Variants in SYNGR4 observed in about 807,000 individuals in gnomAD.
SYNGR4 encodes the protein synaptogyrin-4.
Under a neutral mutation model 15.5 loss-of-function variants are expected in SYNGR4, and 15 were observed. The ratio of observed to expected loss-of-function variants is 0.97; its 90% CI spans 0.65 to 1.49. The LOEUF (loss-of-function observed/expected upper bound fraction) is 1.49, where lower values mean the gene tolerates loss of function less well. SYNGR4 is among the 40% of genes most tolerant of loss of function. The pLI is 0.00. For synonymous variants in SYNGR4, 121 were observed against 127.4 expected (o/e 0.95, Z 0.34); for missense variants, 292 against 299.3 (o/e 0.98, Z 0.18).
chr19:48,372,687 T>A (rs571599804), intron 2 of SYNGR4, among the ~76,000 whole-genome samples: 1 of 151,436 alleles, frequency 6.6e-6, no homozygotes, highest in South Asian at 2.1e-4. Context: ...GGTTACCAGA[T>A]CAGTGTCGTA....
intron 2 of SYNGR4, among the ~76,000 whole-genome samples, chr19:48,369,042 G>C (rs1046021061): frequency 1.3e-5 from 2 of 152,126 alleles, no homozygotes; most frequent in African/African-American, 4.8e-5. Context: ...GGACTGGTGC[G>C]GGGAAGGAGG....
Position 48,370,294 on chromosome 19 carries a change from T to C in SYNGR4, c.94-3223T>C, listed in dbSNP as rs551353381. ...TGAGGCCAGGAGTTTGAGACCCACC[T>C]GTGCAACATAGCAATACCGTCTCTA... On this transcript the variant is annotated intron_variant, in intron 2 of 4. Coordinates refer to ENST00000344846, the MANE Select transcript of SYNGR4 (RefSeq NM_012451.4). 2.6e-5 allele frequency among the ~76,000 whole-genome samples: 4 copies of C among 152,246 alleles called. No homozygotes were observed. In the East Asian group the frequency reaches 7.8e-4, roughly 30 times the overall value.
chr19:48,367,305 C>T (rs111565326), intron 2 of SYNGR4, among the ~76,000 whole-genome samples: 3,851 of 151,786 alleles, frequency 0.025, 74 homozygotes, highest in Middle Eastern at 0.11. Context: ...TGGTGGCAGG[C>T]GCCTGTGGTC....
At chr19:48,368,278 A>G (rs1039415372) in intron 2 of SYNGR4, among the ~76,000 whole-genome samples, 1 of 152,184 alleles carries the variant, frequency 6.6e-6, no homozygotes. Context: ...GGATCCTAAT[A>G]ATCTACTCCT....
intron 2 of SYNGR4, among the ~76,000 whole-genome samples, chr19:48,367,431 T>TA (rs112566804): frequency 0.024 from 3,382 of 143,428 alleles, 117 homozygotes; most frequent in African/African-American, 0.077. Flanking sequence ...AGACTCCATT[T>TA]AAAAAAAAAA....
intron 1 of SYNGR4, 68 bp from the exon 2 acceptor site, chr19:48,365,668 C>A (rs2147399742): frequency 8.2e-6 from 3 of 367,282 alleles, no homozygotes; most frequent in East Asian, 6.4e-5. Flanking sequence ...TCCCCCAATC[C>A]TGGGGCCCCC....
Position 48,376,301 on chromosome 19 carries a change from A to G in SYNGR4, c.688A>G (p.Met230Val), listed in dbSNP as rs750898830. The G allele has an allele frequency of 7.4e-6, 12 of 1,612,570 alleles. No homozygotes were observed. The highest frequency in any genetic ancestry group is 1.6e-4 in the Middle Eastern group (1 of 6,074). The stretch of plus-strand genomic sequence containing the variant: ...CGCTCCAAAGTCCCCCCGGCTTGCT[A>G]TGATGCCTGACAACTAAATATCCTT... ...LTAPKSPRLA[M>V]MPDN The change falls in exon 5 of 5, where the codon ATG becomes GTG. Residue 230 changes from methionine to valine, a missense_variant. Transcript: ENST00000344846.
chr19:48,373,631 G>T lies in SYNGR4; in HGVS notation c.208G>T (p.Val70Leu). ...CAACAGCGTGGCCTGCAGCTTTGCC[G>T]TGGGAGCCGGCTTCCTGGCCTTCCT... Reference protein sequence around the residue: ...NSNSVACSFAVGAGFLAFLSC... With the variant: ...NSNSVACSFALGAGFLAFLSC... The change falls in exon 3 of 5, where the codon GTG (valine) becomes TTG (leucine). Residue 70 changes from valine (V) to leucine (L), a missense_variant. Physicochemically the swap from Val to Leu is conservative, Grantham distance 32. Coordinates refer to ENST00000344846, the MANE Select transcript of SYNGR4 (RefSeq NM_012451.4). 1 of 1,613,784 alleles carries T rather than the reference G, an allele frequency of 6.2e-7. No homozygotes were observed. Among genetic ancestry groups the T allele is most frequent in the Non-Finnish European group, 8.5e-7 (1 of 1,180,020 alleles).
chr19:48,365,237 C>G (rs1288434390), intron 1 of SYNGR4, among the ~76,000 whole-genome samples: 1 of 141,082 alleles, frequency 7.1e-6, no homozygotes, highest in Admixed American at 6.9e-5. Context: ...TCCTGGGACC[C>G]CCAGAAAGCT....
chr19:48,373,352 C>T (rs768035487), intron 2 of SYNGR4, 165 bp from the exon 3 acceptor site: 29 of 656,298 alleles, frequency 4.4e-5, no homozygotes, highest in Admixed American at 3.5e-4. Flanking sequence ...GCAGAGGGGA[C>T]GAGGGGCAGG....
At chr19:48,375,025 A>T (rs935463826) in intron 3 of SYNGR4, among the ~76,000 whole-genome samples, 27 of 129,482 alleles carry the variant, frequency 2.1e-4, no homozygotes, top group Admixed American at 7.8e-4. Context: ...GCTGAGAAAC[A>T]TTTTTTTTTT....
intron 3 of SYNGR4, 37 bp from the exon 4 acceptor site, chr19:48,375,576 T>A: frequency 6.3e-7 from 1 of 1,589,946 alleles, no homozygotes; most frequent in South Asian, 1.1e-5. Context: ...TGAGTGAGCT[T>A]TCCCCCTGCC....
At chr19:48,371,678 A>G (rs2147406964) in intron 2 of SYNGR4, among the ~76,000 whole-genome samples, 1 of 151,830 alleles carries the variant, frequency 6.6e-6, no homozygotes, top group East Asian at 1.9e-4. Flanking sequence ...CTGGGTCTCA[A>G]GTGATCCTCC....
chr19:48,366,058 G>C, intron 2 of SYNGR4, 123 bp downstream of exon 2: 1 of 1,002,738 alleles, frequency 1.0e-6, no homozygotes, highest in Non-Finnish European at 1.5e-6. Flanking sequence ...CAAGACAACG[G>C]AGCAAATGCT....
At chr19:48,373,493 T>C in intron 2 of SYNGR4, 24 bp from the exon 3 acceptor site, 1 of 1,604,750 alleles carries the variant, frequency 6.2e-7, no homozygotes, top group Non-Finnish European at 8.5e-7. Flanking sequence ...ACTGAGCTCT[T>C]CTCTGGCCCC....
Position 48,375,733 on chromosome 19 carries a change from T to A in SYNGR4, c.452T>A (p.Phe151Tyr), listed in dbSNP as rs143772834. Residue 151 changes from phenylalanine (F) to tyrosine (Y), a missense_variant, in exon 4 of 5, where the codon TTC (phenylalanine) becomes TAC (tyrosine). Phe to Tyr is a conservative substitution (Grantham distance 22). Coordinates refer to ENST00000344846, the MANE Select transcript of SYNGR4 (RefSeq NM_012451.4). ...SSAQAAIAFT[F>Y]FSILVWIFQA... ...GCCCAGGCAGCCATCGCCTTCACCT[T>A]CTTCTCCATCCTTGTCTGGGTGAGG... is the stretch of plus-strand genomic sequence containing the variant. 1 of 1,613,358 alleles carries A rather than the reference T, an allele frequency of 6.2e-7. No homozygotes were observed. Among genetic ancestry groups the A allele is most frequent in the Non-Finnish European group, 8.5e-7 (1 of 1,179,556 alleles).
chr19:48,364,981 T>G (rs1970168744), intron 1 of SYNGR4, among the ~76,000 whole-genome samples: 1 of 150,118 alleles, frequency 6.7e-6, no homozygotes, highest in Non-Finnish European at 1.5e-5. Context: ...CAGCCCACAT[T>G]CCTGACTTCT....
At chr19:48,368,660 G>A (rs1371995748) in intron 2 of SYNGR4, among the ~76,000 whole-genome samples, 3 of 152,144 alleles carry the variant, frequency 2.0e-5, no homozygotes, top group Non-Finnish European at 4.4e-5. Flanking sequence ...GATTACAGGC[G>A]TGAGCCACCG....
chr19:48,369,847 C>A (rs1970278461), intron 2 of SYNGR4, among the ~76,000 whole-genome samples: 1 of 152,170 alleles, frequency 6.6e-6, no homozygotes, highest in African/African-American at 2.4e-5. Context: ...AGACACACCC[C>A]CTCTACAGTC....
Sources: allele counts gnomAD v4.1 joint callset (sites outside exome capture counted in the v4.1 genomes callset), GRCh38; gene constraint gnomAD v4.1.1; transcripts MANE v1.5; gene names NCBI Gene and HGNC (gene_info 2026-07-23, HGNC 2026-07-21).